Variants in DYNLT2 observed in about 807,000 individuals in gnomAD.
DYNLT2 encodes dynein light chain Tctex-type 2.
A neutral mutation model predicts 24.3 loss-of-function variants in DYNLT2; 24 were observed. The ratio of observed to expected loss-of-function variants is 0.99; its 90% CI spans 0.71 to 1.39. The LOEUF is 1.39. Among genes scored for constraint, DYNLT2 ranks in the 40% most tolerant of loss-of-function variants. DYNLT2 has a pLI of 0.00. For synonymous variants in DYNLT2, 85 were observed against 85.4 expected (o/e 1.00, Z 0.03); for missense variants, 246 against 234.5 (o/e 1.05, Z -0.32).
chr6:169,732,059 T>C, the DYNLT2 span, among the ~76,000 whole-genome samples: 6 of 152,212 alleles, frequency 3.9e-5, no homozygotes, highest in South Asian at 1.2e-3. Flanking sequence ...TTGCATGATA[T>C]GACATATTTC....
intron 1 of DYNLT2, chr6:169,750,442 G>A (rs999886932): frequency 6.6e-6 from 1 of 152,168 alleles, no homozygotes; most frequent in Non-Finnish European, 1.5e-5. Context: ...GTAGACACCA[G>A]GGAAACAAGA....
chr6:169,733,101 T>C, the DYNLT2 span, among the ~76,000 whole-genome samples: 1 of 152,240 alleles, frequency 6.6e-6, no homozygotes, highest in Non-Finnish European at 1.5e-5. Context: ...GAAATGTCTG[T>C]TCATATCCTT....
intron 1 of DYNLT2, among the ~76,000 whole-genome samples, chr6:169,747,930 A>T (rs1585321406): frequency 6.6e-6 from 1 of 152,178 alleles, no homozygotes; most frequent in East Asian, 1.9e-4. Context: ...AGACATTTGG[A>T]AACAGTTTAA....
In DYNLT2 at chr6:169,744,797, T is replaced by C. The variant is rs183755344; in HGVS notation, c.121-523A>G. On this transcript the variant is annotated intron_variant, in intron 1 of 3. Coordinates refer to ENST00000366774, the MANE Select transcript of DYNLT2 (RefSeq NM_174910.3). ...AAAGAGCATTGATTTGATATATATA[T>C]CAGTTCATGCTTTTGACATGAAACA... Among the ~76,000 whole-genome samples, 108 of 152,362 alleles carry C rather than the reference T, an allele frequency of 7.1e-4. 1 individual carries two copies. The East Asian group carries it at 0.018, about 25-fold the overall frequency.
intron 1 of DYNLT2, among the ~76,000 whole-genome samples, chr6:169,747,530 T>C (rs918833029): frequency 6.6e-6 from 1 of 152,212 alleles, no homozygotes; most frequent in African/African-American, 2.4e-5. Context: ...CTAAATGTCC[T>C]TTCTTCTGCA....
chr6:169,751,548 A>C lies in DYNLT2; in HGVS notation c.-90T>G, dbSNP rs1790078112. 7.5e-6 allele frequency: 12 copies of C among 1,610,226 alleles called. No homozygotes were observed. Among genetic ancestry groups the C allele is most frequent in the Non-Finnish European group, 9.3e-6 (11 of 1,178,754 alleles). ...AGTCCCGCGAGGGCGGAAGTCTCCC[A>C]CCTGCGCCTCGTACGGTAGGAAGTG... On this transcript the variant is annotated 5_prime_UTR_variant, in exon 1 of 4. Transcript: ENST00000366774.
intron 3 of DYNLT2, among the ~76,000 whole-genome samples, chr6:169,741,053 C>G (rs1038034622): frequency 6.6e-6 from 1 of 152,066 alleles, no homozygotes; most frequent in Non-Finnish European, 1.5e-5. Context: ...CTGATCCACC[C>G]GCATCAGCCT....
intron 3 of DYNLT2, among the ~76,000 whole-genome samples, chr6:169,741,185 CT>C (rs1362693524): frequency 5.9e-5 from 9 of 152,262 alleles, no homozygotes; most frequent in African/African-American, 2.2e-4. Flanking sequence ...AAGTCTTGGC[CT>C]TGTGACTTGC....
intron 3 of DYNLT2, among the ~76,000 whole-genome samples, chr6:169,741,903 C>T (rs1274908091): frequency 1.3e-5 from 2 of 152,144 alleles, no homozygotes; most frequent in Non-Finnish European, 2.9e-5. Context: ...TGCAGCTTCT[C>T]TTCTCCATGG....
the DYNLT2 span, among the ~76,000 whole-genome samples, chr6:169,732,609 T>C: frequency 2.0e-5 from 3 of 152,236 alleles, no homozygotes; most frequent in Middle Eastern, 3.2e-3. Flanking sequence ...GCAAAGGACA[T>C]GATCTCATTC....
chr6:169,740,852 AGGCTAGAGT>A, intron 3 of DYNLT2, among the ~76,000 whole-genome samples: 1 of 147,642 alleles, frequency 6.8e-6, no homozygotes, highest in East Asian at 2.0e-4. Flanking sequence ...CTTATTTCCC[AGGCTAGAGT>A]GTAATGGCGT....
the DYNLT2 span, among the ~76,000 whole-genome samples, chr6:169,733,211 A>G: frequency 1.3e-5 from 2 of 151,860 alleles, no homozygotes; most frequent in Non-Finnish European, 2.9e-5. Context: ...GTAGATCGCA[A>G]AAATTTTCTC....
downstream of DYNLT2, among the ~76,000 whole-genome samples, chr6:169,737,904 A>G (rs1028188730): frequency 6.6e-6 from 1 of 152,204 alleles, no homozygotes; most frequent in Non-Finnish European, 1.5e-5. Flanking sequence ...CAGAACTACC[A>G]GGAGGAGAGG....
At chr6:169,739,351 G>A (rs1188041586), downstream of DYNLT2, among the ~76,000 whole-genome samples, 1 of 151,654 alleles carries the variant, frequency 6.6e-6, no homozygotes, top group East Asian at 1.9e-4. Flanking sequence ...CTGGCAAATA[G>A]CCACACTTTT....
chr6:169,726,242 CA>C, the DYNLT2 span, among the ~76,000 whole-genome samples: 1 of 152,094 alleles, frequency 6.6e-6, no homozygotes, highest in East Asian at 1.9e-4. Flanking sequence ...GCAGCTTCAA[CA>C]CTAATACAAT....
At chr6:169,745,875 G>A (rs1196304829) in intron 1 of DYNLT2, among the ~76,000 whole-genome samples, 13 of 152,128 alleles carry the variant, frequency 8.5e-5, no homozygotes, top group Admixed American at 8.5e-4. Flanking sequence ...ATGCTTGGTA[G>A]AATTCACCAA....
Position 169,744,247 on chromosome 6 carries a change from TCA to T in DYNLT2, c.146_147del (p.Leu49GlnfsTer15), listed in dbSNP as rs771399054. Reference protein sequence around the residue: ...EAYTQILRERLRESIHNVQYV... With the variant: ...EAYTQILRERXRESIHNVQYV... ...TACTGAACATTGTGAATTGACTCTC[TCA>T]GTCTTTCTCTTAAAATCTGTGTATA... On this transcript the variant is annotated frameshift_variant, in exon 2 of 4. Transcript: ENST00000366774. LOFTEE classifies it high-confidence loss of function. 1.2e-6 allele frequency: 2 copies of T among 1,613,512 alleles called. No individual in the cohort carries two copies. The highest frequency in any genetic ancestry group is 1.1e-5 in the South Asian group (1 of 91,068).
At chr6:169,736,824 G>A (rs982032086), downstream of DYNLT2, among the ~76,000 whole-genome samples, 5 of 152,188 alleles carry the variant, frequency 3.3e-5, no homozygotes, top group South Asian at 2.1e-4. Context: ...TATCTTAATG[G>A]TGTTGTCTGT....
At chr6:169,727,574 T>G in the DYNLT2 span, among the ~76,000 whole-genome samples, 10 of 138,132 alleles carry the variant, frequency 7.2e-5, no homozygotes, top group South Asian at 2.4e-4. Flanking sequence ...GTTTTTTTGT[T>G]TTTTTTTGAG....
Sources: allele counts gnomAD v4.1 joint callset (sites outside exome capture counted in the v4.1 genomes callset), GRCh38; gene constraint gnomAD v4.1.1; transcripts MANE v1.5; gene names NCBI Gene and HGNC (gene_info 2026-07-23, HGNC 2026-07-21).